Variants in DNAJC15 observed in about 807,000 individuals in gnomAD.
The protein encoded by DNAJC15 is DnaJ heat shock protein family (Hsp40) member C15, also known as dnaJ homolog subfamily C member 15.
A neutral mutation model predicts 22.4 loss-of-function variants in DNAJC15; 27 were observed. The observed-to-expected ratio is 1.20, with a 90% CI of 0.89 to 1.66. The LOEUF (loss-of-function observed/expected upper bound fraction) is 1.66, where lower values mean the gene tolerates loss of function less well. DNAJC15 is among the 40% of genes most tolerant of loss of function. The pLI is 0.00. For synonymous variants in DNAJC15, 79 were observed against 63.2 expected (o/e 1.25, Z -1.19); for missense variants, 208 against 187.1 (o/e 1.11, Z -0.65).
intron 1 of DNAJC15, among the ~76,000 whole-genome samples, chr13:43,038,702 G>A (rs1254827943): frequency 6.6e-6 from 1 of 151,268 alleles, no homozygotes; most frequent in Non-Finnish European, 1.5e-5. Context: ...TGAGGCAGGA[G>A]AATGGCATGA....
Position 43,085,768 on chromosome 13 carries a change from C to T in DNAJC15, c.312C>T (p.Ser104=). The T allele has an allele frequency of 1.9e-6, 3 of 1,611,408 alleles. No homozygotes were observed. Among genetic ancestry groups the T allele is most frequent in the Non-Finnish European group, 2.5e-6 (3 of 1,179,120 alleles). Residue 104 remains serine, a splice_region_variant and synonymous_variant, in exon 5 of 6, where the codon AGC becomes AGT. Coordinates refer to ENST00000379221, the MANE Select transcript of DNAJC15 (RefSeq NM_013238.3). ...TAAGCACTGTAATTTCTTTTTACAG[C>T]CCATCTGCTGGCAAGGCTAAGATTA... ...RREAGLILGV[S]PSAGKAKIRT...
chr13:43,057,070 A>G (rs2040534913), intron 1 of DNAJC15, among the ~76,000 whole-genome samples: 1 of 152,046 alleles, frequency 6.6e-6, no homozygotes, highest in Non-Finnish European at 1.5e-5. Flanking sequence ...ACTTTAGATA[A>G]CCTGTGTTTG....
Position 43,113,647 on chromosome 13 carries a change from A to C in DNAJC15, c.*6399A>C, listed in dbSNP as rs1240754171. 2 of 152,218 alleles carry C rather than the reference A, an allele frequency of 1.3e-5. No individual in the cohort carries two copies. Among genetic ancestry groups the C allele is most frequent in the African/African-American group, 4.8e-5 (2 of 41,446 alleles). The allele number at this position is 152,218 out of a possible 1,614,324, so 9.4% of individuals were successfully genotyped here. ...ATATGCAAGAGTGTATTCCAAAGCTAACTCAGTGATCTTTCCATTTATCTA... is the reference window on the plus strand; with the variant it reads ...ATATGCAAGAGTGTATTCCAAAGCTCACTCAGTGATCTTTCCATTTATCTA... On this transcript the variant is annotated 3_prime_UTR_variant, in exon 6 of 6. Coordinates refer to ENST00000379221, the MANE Select transcript of DNAJC15 (RefSeq NM_013238.3).
intron 1 of DNAJC15, among the ~76,000 whole-genome samples, chr13:43,047,254 C>T (rs932259979): frequency 9.2e-5 from 14 of 152,150 alleles, no homozygotes; most frequent in Non-Finnish European, 4.4e-5. Flanking sequence ...CAGTCCCTAC[C>T]TCCGGAAGCC....
At chr13:43,049,613 T>C (rs917627940) in intron 1 of DNAJC15, among the ~76,000 whole-genome samples, 8 of 152,240 alleles carry the variant, frequency 5.3e-5, no homozygotes, top group Non-Finnish European at 1.2e-4. Flanking sequence ...TTTTTAAAAT[T>C]AAAGCCAAAG....
At chr13:43,089,632 G>A (rs2040705018) in intron 5 of DNAJC15, among the ~76,000 whole-genome samples, 1 of 152,142 alleles carries the variant, frequency 6.6e-6, no homozygotes, top group Non-Finnish European at 1.5e-5. Flanking sequence ...GAGATAAAGT[G>A]GTACCCAGAT....
At chr13:43,093,196 C>T (rs1161411766) in intron 5 of DNAJC15, among the ~76,000 whole-genome samples, 1 of 151,972 alleles carries the variant, frequency 6.6e-6, no homozygotes, top group Non-Finnish European at 1.5e-5. Flanking sequence ...TCCATCTTCC[C>T]TCTGTTTTCT....
chr13:43,079,850 A>G (rs1446923632), intron 4 of DNAJC15, among the ~76,000 whole-genome samples: 3 of 152,184 alleles, frequency 2.0e-5, no homozygotes, highest in African/African-American at 7.2e-5. Flanking sequence ...TTTATCCCAT[A>G]GAACTGAAAG....
At chr13:43,023,769 C>T in intron 1 of DNAJC15, 35 bp downstream of exon 1, 2 of 1,560,854 alleles carry the variant, frequency 1.3e-6, no homozygotes, top group Non-Finnish European at 1.7e-6. Flanking sequence ...CCCTCTCTGG[C>T]TCCCTTGTAG....
At chr13:43,077,104 A>G (rs769488894) in intron 3 of DNAJC15, among the ~76,000 whole-genome samples, 4 of 152,234 alleles carry the variant, frequency 2.6e-5, no homozygotes, top group Non-Finnish European at 5.9e-5. Context: ...TCTCAAATGT[A>G]AAGTCTGATG....
chr13:43,068,362 C>CAG (rs2040592960), intron 2 of DNAJC15, among the ~76,000 whole-genome samples: 1 of 152,020 alleles, frequency 6.6e-6, no homozygotes, highest in South Asian at 2.1e-4. Flanking sequence ...AATAAGTTTT[C>CAG]AGAGAGAGTA....
intron 1 of DNAJC15, among the ~76,000 whole-genome samples, chr13:43,046,971 G>A (rs1249778849): frequency 1.3e-5 from 2 of 152,114 alleles, no homozygotes; most frequent in South Asian, 2.1e-4. Flanking sequence ...GGGTTCCACC[G>A]TTCTCTTCCA....
At chr13:43,038,439 T>C (rs1163715002) in intron 1 of DNAJC15, among the ~76,000 whole-genome samples, 1 of 152,210 alleles carries the variant, frequency 6.6e-6, no homozygotes, top group African/African-American at 2.4e-5. Context: ...GGACTAGTAA[T>C]GCCAGTTTCA....
chr13:43,071,447 C>G (rs1191980281), intron 3 of DNAJC15, among the ~76,000 whole-genome samples: 1 of 151,924 alleles, frequency 6.6e-6, no homozygotes, highest in African/African-American at 2.4e-5. Flanking sequence ...TGCAGTAAAA[C>G]ATCTTAGAAT....
intron 1 of DNAJC15, among the ~76,000 whole-genome samples, chr13:43,048,216 A>C (rs2040486147): frequency 1.3e-5 from 2 of 152,196 alleles, no homozygotes. Context: ...GCATTGGCTT[A>C]CGCCTATTAT....
At position 43,032,750 on chromosome 13, in the gene DNAJC15, G is replaced by A. The variant is rs559482861; in HGVS notation, c.108+9016G>A. ...TGAGGCAGGAGAATACCTTGAACCC[G>A]GGAGGTGGAGGCTACAGTGAACCCA... On this transcript the variant is annotated intron_variant, in intron 1 of 5. Coordinates refer to ENST00000379221, the MANE Select transcript of DNAJC15 (RefSeq NM_013238.3). Among the ~76,000 whole-genome samples, 119 of 152,200 alleles carry A rather than the reference G, an allele frequency of 7.8e-4. 1 individual carries two copies. Among genetic ancestry groups the A allele is most frequent in the Non-Finnish European group, 2.8e-4 (19 of 67,976 alleles).
chr13:43,086,738 A>G (rs1936544817), intron 5 of DNAJC15, among the ~76,000 whole-genome samples: 4 of 152,234 alleles, frequency 2.6e-5, no homozygotes, highest in African/African-American at 7.2e-5. Flanking sequence ...AAAGATTTCT[A>G]AACAGTTTCA....
intron 1 of DNAJC15, among the ~76,000 whole-genome samples, chr13:43,048,423 C>T (rs1393243537): frequency 6.6e-6 from 1 of 152,104 alleles, no homozygotes; most frequent in Non-Finnish European, 1.5e-5. Context: ...ACCCGGGAGG[C>T]GGAGGTTGTG....
At position 43,109,282 on chromosome 13, in the gene DNAJC15, G is replaced by A. The variant is rs1246724836; in HGVS notation, c.*2034G>A. 6.6e-6 allele frequency: 1 copy of A among 152,102 alleles called. No homozygotes were observed. Among genetic ancestry groups the A allele is most frequent in the Non-Finnish European group, 1.5e-5 (1 of 68,014 alleles). 9.4% of individuals were successfully genotyped at this position (152,102 alleles called of 1,614,324 possible). A position where few individuals can be genotyped will look rare whatever the true frequency, so the allele number is the denominator to read the frequency against. ...CATACCTTATTTCTCATACTAAAAT[G>A]CAAGAACCTTTAGAGCAAGGATCTT... On this transcript the variant is annotated 3_prime_UTR_variant, in exon 6 of 6. Coordinates refer to ENST00000379221, the MANE Select transcript of DNAJC15 (RefSeq NM_013238.3).
Sources: gnomAD v4.1 joint callset for allele counts (sites outside exome capture counted in the v4.1 genomes callset) on GRCh38, gnomAD v4.1.1 for gene constraint, MANE v1.5 for transcripts, NCBI Gene and HGNC (gene_info 2026-07-23, HGNC 2026-07-21) for gene names.